Variants in LRRTM4 observed in about 807,000 individuals in gnomAD.
The protein encoded by LRRTM4 is leucine-rich repeat transmembrane neuronal protein 4.
LRRTM4 carries 25 observed loss-of-function variants against 47.6 expected under a neutral mutation model. That is an observed-to-expected ratio of 0.53 (90% CI 0.38 to 0.73). LRRTM4 has a LOEUF of 0.73. Among genes scored for constraint, LRRTM4 ranks in the 30% least tolerant of loss-of-function variants. LRRTM4 has a pLI of 0.00. For missense variants in LRRTM4, 638 were observed against 713.4 expected (o/e 0.89, Z 1.20); for synonymous variants, 311 against 269.5 (o/e 1.15, Z -1.51).
At chr2:76,910,990 C>T (rs904014935) in intron 3 of LRRTM4, among the ~76,000 whole-genome samples, 2 of 152,172 alleles carry the variant, frequency 1.3e-5, no homozygotes, top group Non-Finnish European at 2.9e-5. Flanking sequence ...TTGCTGAACA[C>T]TAATGCAGTG....
At position 77,079,325 on chromosome 2, in the gene LRRTM4, C is replaced by T. The variant is rs530821384; in HGVS notation, c.1552-330409G>A. ...CATGGTTTGCAAGCCAAATATGAACCAGTGGCTATTTTTGTAAATACAGTT... is the reference window on the plus strand; with the variant it reads ...CATGGTTTGCAAGCCAAATATGAACTAGTGGCTATTTTTGTAAATACAGTT... On this transcript the variant is annotated intron_variant, in intron 3 of 3. Transcript: ENST00000409884. Among the ~76,000 whole-genome samples, 7 of 152,244 alleles carry T rather than the reference C, an allele frequency of 4.6e-5. No homozygotes were observed. The East Asian group carries it at 9.7e-4, about 21-fold the overall frequency.
intron 3 of LRRTM4, among the ~76,000 whole-genome samples, chr2:77,219,304 T>G (rs371824454): frequency 3.3e-4 from 50 of 152,278 alleles, no homozygotes; most frequent in African/African-American, 1.2e-3. Context: ...TGCATCTACT[T>G]TGCCTATATA....
chr2:77,361,428 C>G (rs1279234972), intron 3 of LRRTM4, among the ~76,000 whole-genome samples: 4 of 152,090 alleles, frequency 2.6e-5, no homozygotes, highest in African/African-American at 9.7e-5. Context: ...CTATTTTGAT[C>G]GTCTTCATTC....
chr2:76,872,651 T>C lies in LRRTM4; in HGVS notation c.1552-123735A>G, dbSNP rs564279044. Among the ~76,000 whole-genome samples the C allele has an allele frequency of 4.6e-5, 7 of 152,162 alleles. No homozygotes were observed. The East Asian group carries it at 1.4e-3, about 30-fold the overall frequency. On this transcript the variant is annotated intron_variant, in intron 3 of 3. Transcript: ENST00000409884. ...TGGCTGCTAACTTCCTGAGGGCGTG[T>C]ATGATACCTTTTATCTCTCTCTATG...
chr2:77,053,660 C>T (rs555489378), intron 3 of LRRTM4, among the ~76,000 whole-genome samples: 14 of 152,064 alleles, frequency 9.2e-5, no homozygotes, highest in African/African-American at 3.4e-4. Context: ...TCAAAAGTCC[C>T]CTTTTATCTG....
chr2:77,329,373 T>C (rs992423025), intron 3 of LRRTM4, among the ~76,000 whole-genome samples: 2 of 152,228 alleles, frequency 1.3e-5, no homozygotes, highest in Non-Finnish European at 2.9e-5. Context: ...ATTAAAATTC[T>C]TTGTAAATAT....
intron 3 of LRRTM4, among the ~76,000 whole-genome samples, chr2:77,195,938 A>G (rs139436401): frequency 6.2e-4 from 95 of 152,124 alleles, no homozygotes; most frequent in African/African-American, 2.2e-3. Flanking sequence ...TGAAGATTGA[A>G]TCTACACAGA....
intron 3 of LRRTM4, among the ~76,000 whole-genome samples, chr2:76,802,040 C>G (rs936210631): frequency 1.3e-5 from 2 of 152,076 alleles, no homozygotes; most frequent in African/African-American, 4.8e-5. Context: ...AAGTGGAAAG[C>G]TTTTCCTCTA....
At chr2:77,365,770 C>G (rs1326212823) in intron 3 of LRRTM4, among the ~76,000 whole-genome samples, 1 of 151,048 alleles carries the variant, frequency 6.6e-6, no homozygotes, top group Non-Finnish European at 1.5e-5. Context: ...GTGAAAAAAG[C>G]TTAAACTAGA....
At chr2:76,885,502 G>A (rs1210029681) in intron 3 of LRRTM4, among the ~76,000 whole-genome samples, 17 of 138,604 alleles carry the variant, frequency 1.2e-4, no homozygotes, top group Non-Finnish European at 1.2e-4. Flanking sequence ...TCGCTCTGTC[G>A]CCCAGGCTGG....
chr2:76,807,894 TCTTTA>T (rs1670584457), intron 3 of LRRTM4, among the ~76,000 whole-genome samples: 1 of 148,442 alleles, frequency 6.7e-6, no homozygotes, highest in African/African-American at 2.5e-5. Context: ...TTTCTTTTCT[TCTTTA>T]CTTTTCTTTC....
chr2:76,905,512 C>T lies in LRRTM4; in HGVS notation c.1552-156596G>A, dbSNP rs545795924. On this transcript the variant is annotated intron_variant, in intron 3 of 3. Coordinates refer to ENST00000409884, the MANE Select transcript of LRRTM4 (RefSeq NM_001134745.3). ...AAAGCTGGACGGAGAATGACTTTGA[C>T]GAGTTGAGAGAAGAAGGCTTCAGAC... is the stretch of plus-strand genomic sequence containing the variant. 8.6e-3 allele frequency among the ~76,000 whole-genome samples: 1,303 copies of T among 152,176 alleles called. 25 individuals are homozygous for T. The highest frequency in any genetic ancestry group is 0.029 in the African/African-American group (1,197 of 41,506).
chr2:76,861,722 A>T (rs1370850312), intron 3 of LRRTM4, among the ~76,000 whole-genome samples: 1 of 152,226 alleles, frequency 6.6e-6, no homozygotes, highest in Non-Finnish European at 1.5e-5. Flanking sequence ...ATCCAGATGT[A>T]TCAGTAAGAA....
At chr2:76,913,345 T>C (rs1056805857) in intron 3 of LRRTM4, among the ~76,000 whole-genome samples, 7 of 152,028 alleles carry the variant, frequency 4.6e-5, no homozygotes, top group Non-Finnish European at 7.4e-5. Context: ...ATTTTTCTTA[T>C]GATTGTGTTT....
intron 3 of LRRTM4, among the ~76,000 whole-genome samples, chr2:77,121,655 T>C (rs1371611275): frequency 6.6e-6 from 1 of 151,844 alleles, no homozygotes; most frequent in Non-Finnish European, 1.5e-5. Context: ...ATAAATGTTA[T>C]TGTACAACCA....
chr2:77,332,921 C>T (rs1573267091), intron 3 of LRRTM4, among the ~76,000 whole-genome samples: 1 of 152,120 alleles, frequency 6.6e-6, no homozygotes, highest in Admixed American at 6.5e-5. Context: ...CTCCACAATT[C>T]CCACGTGTCA....
chr2:76,872,048 C>A (rs944656425), intron 3 of LRRTM4, among the ~76,000 whole-genome samples: 3 of 152,152 alleles, frequency 2.0e-5, no homozygotes, highest in Non-Finnish European at 4.4e-5. Context: ...GGTCTTCTAA[C>A]CCACAGCAAC....
At chr2:77,438,469 C>G (rs183545359) in intron 3 of LRRTM4, among the ~76,000 whole-genome samples, 12 of 139,370 alleles carry the variant, frequency 8.6e-5, no homozygotes, top group Admixed American at 8.2e-4. Flanking sequence ...TGTAGTGGCG[C>G]GATCTCGGCT....
intron 3 of LRRTM4, among the ~76,000 whole-genome samples, chr2:77,178,757 G>A (rs986608119): frequency 6.6e-6 from 1 of 151,924 alleles, no homozygotes. Flanking sequence ...TTTTGGCATT[G>A]ACTTTTTTTA....
Sources: gnomAD v4.1 joint callset for allele counts (sites outside exome capture counted in the v4.1 genomes callset) on GRCh38, gnomAD v4.1.1 for gene constraint, MANE v1.5 for transcripts, NCBI Gene and HGNC (gene_info 2026-07-23, HGNC 2026-07-21) for gene names.